TMC8: variants seen among roughly 807,000 people sequenced by gnomAD.
TMC8 encodes transmembrane channel like 8, also known as transmembrane channel-like protein 8.
Under a neutral mutation model 76.0 loss-of-function variants are expected in TMC8, and 71 were observed. The observed-to-expected ratio is 0.93, with a 90% confidence interval of 0.77 to 1.14. The LOEUF is 1.14. Ranked by LOEUF, TMC8 falls within the 50% of genes most tolerant of loss-of-function variation. The pLI is 0.00. For missense variants in TMC8, 924 were observed against 947.9 expected (o/e 0.97, Z 0.33); for synonymous variants, 433 against 433.8 (o/e 1.00, Z 0.02).
chr17:78,138,970 G>A (rs2145720091), intron 14 of TMC8, 192 bp from the exon 15 acceptor site: 2 of 1,540,230 alleles, frequency 1.3e-6, no homozygotes, highest in South Asian at 2.4e-5. Context: ...TATTGGTATT[G>A]CTGTGCCAGA....
intron 14 of TMC8, 137 bp from the exon 15 acceptor site, chr17:78,139,025 A>G (rs753779189): frequency 6.4e-7 from 1 of 1,567,780 alleles, no homozygotes; most frequent in Non-Finnish European, 8.7e-7. Flanking sequence ...GGAGGGTCCC[A>G]TCCTCAGATA....
chr17:78,139,328 C>CG (rs765037306), intron 15 of TMC8, 88 bp downstream of exon 15: 4 of 1,473,174 alleles, frequency 2.7e-6, no homozygotes, highest in Non-Finnish European at 3.8e-6. Context: ...CACGTCTGAG[C>CG]GGGTCAGGTG....
Position 78,132,354 on chromosome 17 carries a change from T to C in TMC8, c.299-5T>C. 4.3e-6 allele frequency: 7 copies of C among 1,611,242 alleles called. No individual in the cohort carries two copies. Among genetic ancestry groups the C allele is most frequent in the African/African-American group, 1.3e-5 (1 of 74,970 alleles). ...TCCCTGACCCACCCTGCTCTCCCAC[T>C]GCAGGCCTCTTCGGCACAGGAATTC... is the stretch of plus-strand genomic sequence containing the variant. On this transcript the variant is annotated splice_region_variant and splice_polypyrimidine_tract_variant and intron_variant, in intron 3 of 15. Coordinates refer to ENST00000318430, the MANE Select transcript of TMC8 (RefSeq NM_152468.5).
chr17:78,135,031 G>T (rs368036135), intron 9 of TMC8, 22 bp downstream of exon 9: 21 of 1,613,726 alleles, frequency 1.3e-5, no homozygotes, highest in Non-Finnish European at 1.7e-5. Context: ...CCTTGGTGGG[G>T]ACAAGTGGGC....
Position 78,138,030 on chromosome 17 carries a change from C to G in TMC8, c.1375C>G (p.Arg459Gly), listed in dbSNP as rs764442700. The G allele has an allele frequency of 2.1e-5, 34 of 1,613,874 alleles. No individual in the cohort carries two copies. The highest frequency in any genetic ancestry group is 2.8e-5 in the Non-Finnish European group (33 of 1,180,014). The change falls in exon 12 of 16, where the codon CGG becomes GGG. Residue 459 changes from arginine to glycine, a missense_variant. Physicochemically the swap from Arg to Gly is moderately radical, Grantham distance 125. Coordinates refer to ENST00000318430, the MANE Select transcript of TMC8 (RefSeq NM_152468.5). ...RRLLVDRFSG[R>G]FWAWLEREEF... ...GCTGCTGGTGGACCGGTTCTCAGGCCGGTTCTGGGCCTGGCTGGAACGGGA... is the reference window on the plus strand; with the variant it reads ...GCTGCTGGTGGACCGGTTCTCAGGCGGGTTCTGGGCCTGGCTGGAACGGGA...
In TMC8 at chr17:78,140,861, G is replaced by T. The variant is rs750820020; in HGVS notation, c.1930G>T (p.Glu644Ter). The T allele has an allele frequency of 6.2e-7, 1 of 1,610,230 alleles. No individual in the cohort carries two copies. The highest frequency in any genetic ancestry group is 8.5e-7 in the Non-Finnish European group (1 of 1,178,948). ...GGTTCAGGAGAAGTGGCACCTGGTG[G>T]AGGACCTGTCGCGACTGCTGCCGGA... ...WQVQEKWHLV[E>*]DLSRLLPEPG... The change falls in exon 16 of 16, where the codon GAG (glutamate) becomes TAG (stop). Residue 644 changes from glutamate (E) to a stop codon, truncating the protein, a stop_gained. Coordinates refer to ENST00000318430, the MANE Select transcript of TMC8 (RefSeq NM_152468.5). LOFTEE classifies it low-confidence loss of function (END_TRUNC).
intron 14 of TMC8, 69 bp from the exon 15 acceptor site, chr17:78,139,093 G>A (rs943433495): frequency 6.3e-7 from 1 of 1,599,340 alleles, no homozygotes; most frequent in Non-Finnish European, 8.5e-7. Flanking sequence ...GAGGTGGGGA[G>A]AGAGGAAGTC....
In TMC8 at chr17:78,138,182, C is replaced by G; in HGVS notation, c.1527C>G (p.Ile509Met). 5.0e-6 allele frequency: 8 copies of G among 1,613,798 alleles called. No homozygotes were observed. Among genetic ancestry groups the G allele is most frequent in the African/African-American group, 1.3e-5 (1 of 75,006 alleles). ...TCTTCCTCTTCCTCACCTTCTACAT[C>G]AAGAAGGTGACGGCTCATGGCTGGG... ...NSVFLFLTFYIKKYTLLKNSR... is the reference protein window; with the variant it reads ...NSVFLFLTFYMKKYTLLKNSR... The change falls in exon 12 of 16, where the codon ATC becomes ATG. Residue 509 changes from isoleucine (I) to methionine (M), a missense_variant. Ile to Met is a conservative substitution (Grantham distance 10). Coordinates refer to ENST00000318430, the MANE Select transcript of TMC8 (RefSeq NM_152468.5).
intron 9 of TMC8, 110 bp downstream of exon 9, chr17:78,135,119 C>A: frequency 7.0e-7 from 1 of 1,435,580 alleles, no homozygotes; most frequent in Non-Finnish European, 9.7e-7. Context: ...AGGCTTCCCC[C>A]TTCACTAGTG....
In TMC8 at chr17:78,131,317, A is replaced by C; in HGVS notation, c.-272A>C. 2 of 568,484 alleles carry C rather than the reference A, an allele frequency of 3.5e-6. No homozygotes were observed. The highest frequency in any genetic ancestry group is 6.3e-6 in the Non-Finnish European group (2 of 316,948). 35.2% of individuals were successfully genotyped at this position (568,484 alleles called of 1,614,324 possible). Reference sequence around the variant, plus strand: ...GAGGCCGTGGCTGTGTGTCCCTCTGAGAGTTGGAGCGGGGCTGGGCCCGAA... The same window carrying C: ...GAGGCCGTGGCTGTGTGTCCCTCTGCGAGTTGGAGCGGGGCTGGGCCCGAA... On this transcript the variant is annotated 5_prime_UTR_variant, in exon 2 of 16. Coordinates refer to ENST00000318430, the MANE Select transcript of TMC8 (RefSeq NM_152468.5).
chr17:78,137,069 T>G, intron 9 of TMC8, 166 bp from the exon 10 acceptor site: 1 of 1,053,706 alleles, frequency 9.5e-7, no homozygotes, highest in Non-Finnish European at 1.4e-6. Context: ...ACTCGGACTC[T>G]GAGAACGCAC....
Position 78,133,419 on chromosome 17 carries a change from C to T in TMC8, c.545C>T (p.Thr182Ile). The T allele has an allele frequency of 1.2e-6, 2 of 1,613,838 alleles. No individual in the cohort carries two copies. The highest frequency in any genetic ancestry group is 1.7e-6 in the Non-Finnish European group (2 of 1,180,032). The change falls in exon 6 of 16, where the codon ACC becomes ATC. Residue 182 changes from threonine (T) to isoleucine (I), a missense_variant. Transcript: ENST00000318430. ...CGCTGTCCCCAGGCCTTCACCAACA[C>T]CTATCTCTTCTACGGTGCGTACCGA... is the stretch of plus-strand genomic sequence containing the variant. ...HVLTGRAFTN[T>I]YLFYGAYRVG...
rs555961492 is a variant in TMC8 at position 78,141,143 on chromosome 17, G to A, written c.*31G>A. ...ACCCCTGCCTCCCCGAAGCCTCCCT[G>A]GGGCCCCTTCAGGCCTCCTTACTCC... is the stretch of plus-strand genomic sequence containing the variant. On this transcript the variant is annotated 3_prime_UTR_variant, in exon 16 of 16. Coordinates refer to ENST00000318430, the MANE Select transcript of TMC8 (RefSeq NM_152468.5). 1.4e-5 allele frequency: 22 copies of A among 1,521,962 alleles called. No homozygotes were observed. In the African/African-American group the frequency reaches 2.8e-4, roughly 19 times the overall value. 94.3% of individuals were successfully genotyped at this position (1,521,962 alleles called of 1,614,324 possible). A position where few individuals can be genotyped will look rare whatever the true frequency, so the allele number is the denominator to read the frequency against.
chr17:78,141,115 C>T lies in TMC8; in HGVS notation c.*3C>T. 1 of 1,550,686 alleles carries T rather than the reference C, an allele frequency of 6.4e-7. No individual in the cohort carries two copies. The highest frequency in any genetic ancestry group is 8.6e-7 in the Non-Finnish European group (1 of 1,156,546). Reference sequence around the variant, plus strand: ...TCCCCAGCGGCGCGGAGCTGTAACCCCTACCCCTGCCTCCCCGAAGCCTCC... The same window carrying T: ...TCCCCAGCGGCGCGGAGCTGTAACCTCTACCCCTGCCTCCCCGAAGCCTCC... On this transcript the variant is annotated 3_prime_UTR_variant, in exon 16 of 16. Transcript: ENST00000318430.
Position 78,131,545 on chromosome 17 carries a change from C to A in TMC8, c.-44C>A. The stretch of plus-strand genomic sequence containing the variant: ...ATCCAACCGGGGACTCATATCCCCC[C>A]CACCGGCAGCCCGGCGCCCCAGCCT... On this transcript the variant is annotated 5_prime_UTR_variant, in exon 2 of 16. Coordinates refer to ENST00000318430, the MANE Select transcript of TMC8 (RefSeq NM_152468.5). The A allele has an allele frequency of 3.9e-6, 6 of 1,537,200 alleles. No homozygotes were observed. The highest frequency in any genetic ancestry group is 1.4e-5 in the African/African-American group (1 of 72,964).
intron 7 of TMC8, 86 bp downstream of exon 7, chr17:78,134,086 C>T (rs978214639): frequency 6.3e-6 from 10 of 1,580,540 alleles, no homozygotes; most frequent in Middle Eastern, 1.7e-4. Flanking sequence ...CAGGTGTGTG[C>T]GAGCAAGTGC....
intron 15 of TMC8, 107 bp from the exon 16 acceptor site, chr17:78,140,727 T>G: frequency 1.4e-6 from 2 of 1,453,948 alleles, no homozygotes; most frequent in South Asian, 1.2e-5. Flanking sequence ...TCTGGCTACT[T>G]TGGGTGCGGG....
At chr17:78,136,926 G>T in intron 9 of TMC8, 2 of 371,746 alleles carry the variant, frequency 5.4e-6, no homozygotes, top group Admixed American at 3.8e-5. Flanking sequence ...GTCAGAAATC[G>T]CTTGAACCCA....
rs1280583201 is a variant in TMC8, at chr17:78,141,499, C to G, written c.*387C>G. The G allele has an allele frequency of 6.2e-6, 1 of 162,326 alleles. No individual in the cohort carries two copies. The highest frequency in any genetic ancestry group is 1.3e-5 in the Non-Finnish European group (1 of 74,974). 10.1% of individuals were successfully genotyped at this position (162,326 alleles called of 1,614,324 possible). A position where few individuals can be genotyped will look rare whatever the true frequency, so the allele number is the denominator to read the frequency against. ...TGATGGAAGTGCCTTCAGAAGAGTC[C>G]GGGAACCACTTCCTAAGGAAGGAAA... On this transcript the variant is annotated 3_prime_UTR_variant, in exon 16 of 16. Transcript: ENST00000318430.
Sources: allele counts gnomAD v4.1 joint callset, GRCh38; gene constraint gnomAD v4.1.1; transcripts MANE v1.5; gene names NCBI Gene and HGNC (gene_info 2026-07-23, HGNC 2026-07-21).